LPO: variants seen among roughly 807,000 people sequenced by gnomAD.
LPO encodes the protein salivary peroxidase.
Under a neutral mutation model 68.4 loss-of-function variants are expected in LPO, and 70 were observed. The observed-to-expected ratio is 1.02, with a 90% CI of 0.84 to 1.25. The LOEUF (loss-of-function observed/expected upper bound fraction) is 1.25. Among genes scored for constraint, LPO ranks in the 50% most tolerant of loss-of-function variants. The pLI, the probability that LPO is intolerant of heterozygous loss-of-function variation, is 0.00. For synonymous variants in LPO, 360 were observed against 357.6 expected, an observed-to-expected ratio of 1.01 and a Z score of -0.08; for missense variants, 873 against 908.4, an observed-to-expected ratio of 0.96 and a Z score of 0.50.
In LPO at chr17:58,244,088, GAGAC is replaced by G. The variant is rs749249179; in HGVS notation, c.164+9_164+12del. The G allele has an allele frequency of 4.1e-4, 598 of 1,453,810 alleles. 7 individuals carry two copies. In the African/African-American group the frequency reaches 5.2e-3, roughly 13 times the overall value. The allele number at this position is 1,453,810 out of a possible 1,614,324, so 90.1% of individuals were successfully genotyped here. A position where few individuals can be genotyped will look rare whatever the true frequency, so the allele number is the denominator to read the frequency against. On this transcript the variant is annotated splice_region_variant and intron_variant, in intron 3 of 12. Transcript: ENST00000262290. ...TCCTGGACTCCCGAACCAGGTACGT[GAGAC>G]ACACACACACACACACACACACACA...
chr17:58,241,219 T>C (rs1394515554), intron 1 of LPO, among the ~76,000 whole-genome samples: 3 of 144,872 alleles, frequency 2.1e-5, no homozygotes, highest in Non-Finnish European at 4.5e-5. Flanking sequence ...CAAGGGATTC[T>C]CCTGCCTCAG....
chr17:58,250,712 A>G, intron 7 of LPO, 91 bp downstream of exon 7: 1 of 1,316,684 alleles, frequency 7.6e-7, no homozygotes, highest in Middle Eastern at 2.5e-4. Context: ...ATCTCTGGAT[A>G]GATCTGGGAT....
rs1250893722 is a variant in LPO at position 58,247,631 on chromosome 17, T to C, written c.318T>C (p.Asn106=). Residue 106 remains asparagine (N), a synonymous_variant, in exon 4 of 13, where the codon AAT becomes AAC. Transcript: ENST00000262290. ...KRLRQKASLT[N]VTDPSLDLTS... ...TGAGGCAGAAGGCATCCTTGACCAATGTCACAGGTACAGAAAACCCACCAG... is the reference window on the plus strand; with the variant it reads ...TGAGGCAGAAGGCATCCTTGACCAACGTCACAGGTACAGAAAACCCACCAG... The C allele has an allele frequency of 6.8e-6, 11 of 1,613,568 alleles. No homozygotes were observed. The highest frequency in any genetic ancestry group is 8.5e-6 in the Non-Finnish European group (10 of 1,179,688).
intron 3 of LPO, among the ~76,000 whole-genome samples, chr17:58,247,127 A>G (rs758159896): frequency 2.6e-5 from 4 of 151,894 alleles, no homozygotes; most frequent in Non-Finnish European, 2.9e-5. Flanking sequence ...ACCCAGATCC[A>G]CCCCTGTGTC....
At chr17:58,242,747 G>A (rs764600411) in intron 1 of LPO, 27 of 477,798 alleles carry the variant, frequency 5.7e-5, no homozygotes, top group Non-Finnish European at 1.0e-4. Context: ...CTTAGATCCT[G>A]AAGCCTGAGT....
At chr17:58,242,346 A>G (rs1969773710) in intron 1 of LPO, among the ~76,000 whole-genome samples, 1 of 152,226 alleles carries the variant, frequency 6.6e-6, no homozygotes, top group Non-Finnish European at 1.5e-5. Flanking sequence ...GAGCTTTGTC[A>G]TAACTTTCTT....
intron 3 of LPO, chr17:58,244,356 T>C: frequency 2.2e-6 from 1 of 462,592 alleles, no homozygotes; most frequent in Non-Finnish European, 3.9e-6. Context: ...TGGCCCAATG[T>C]TTCCTTGGGC....
At position 58,267,489 on chromosome 17, in the gene LPO, G is replaced by A. The variant is rs1312590976; in HGVS notation, c.1834G>A (p.Gly612Arg). Reference protein sequence around the residue: ...GTPDNIDIWIGAIAEPLVERG... With the variant: ...GTPDNIDIWIRAIAEPLVERG... ...CCCTGACAACATCGACATCTGGATA[G>A]GGGCCATTGCTGAGCCGCTGGTGGA... Residue 612 changes from glycine (G) to arginine (R), a missense_variant, in exon 12 of 13, where the codon GGG (glycine) becomes AGG (arginine). Gly to Arg is a moderately radical substitution (Grantham distance 125). Transcript: ENST00000262290. 6.2e-7 allele frequency: 1 copy of A among 1,614,126 alleles called. No individual in the cohort carries two copies. The highest frequency in any genetic ancestry group is 1.3e-5 in the African/African-American group (1 of 74,948).
chr17:58,241,179 T>G (rs574472493), intron 1 of LPO, among the ~76,000 whole-genome samples: 8 of 148,524 alleles, frequency 5.4e-5, no homozygotes, highest in African/African-American at 2.0e-4. Context: ...GGCGCAATCT[T>G]GGCTCACTGC....
intron 3 of LPO, among the ~76,000 whole-genome samples, chr17:58,245,403 CAGAG>C (rs910782007): frequency 6.6e-6 from 1 of 152,062 alleles, no homozygotes; most frequent in Non-Finnish European, 1.5e-5. Flanking sequence ...TTCCTGGTTT[CAGAG>C]AGAGATTCTG....
Position 58,242,870 on chromosome 17 carries a change from A to G in LPO, c.-2-108A>G, listed in dbSNP as rs573792950. ...AATGTGGTTTCTCCTTTCCTGTTCC[A>G]ATATTAGGGTGTCTGGTGCTCCTTT... is the stretch of plus-strand genomic sequence containing the variant. On this transcript the variant is annotated intron_variant, in intron 1 of 12. Coordinates refer to ENST00000262290, the MANE Select transcript of LPO (RefSeq NM_006151.3). The G allele has an allele frequency of 4.7e-6, 4 of 845,086 alleles. No individual in the cohort carries two copies. In the African/African-American group the frequency reaches 6.7e-5, roughly 14 times the overall value. 52.3% of individuals were successfully genotyped at this position (845,086 alleles called of 1,614,324 possible).
rs773394857 is a variant in LPO, at chr17:58,252,327, T to C, written c.926T>C (p.Val309Ala). Reference protein sequence around the residue: ...ALTSFLDASFVYSSEPSLASR... With the variant: ...ALTSFLDASFAYSSEPSLASR... Reference sequence around the variant, plus strand: ...ACCTCCTTCCTGGATGCCAGCTTTGTGTACAGCTCCGAGCCAAGCCTGGCC... The same window carrying C: ...ACCTCCTTCCTGGATGCCAGCTTTGCGTACAGCTCCGAGCCAAGCCTGGCC... Residue 309 changes from valine (V) to alanine (A), a missense_variant, in exon 8 of 13, where the codon GTG becomes GCG. Transcript: ENST00000262290. The C allele has an allele frequency of 1.2e-6, 2 of 1,614,094 alleles. No individual in the cohort carries two copies. The highest frequency in any genetic ancestry group is 1.7e-6 in the Non-Finnish European group (2 of 1,180,048).
intron 7 of LPO, chr17:58,251,698 T>G (rs1427672619): frequency 2.7e-6 from 1 of 363,648 alleles, no homozygotes; most frequent in African/African-American, 2.1e-5. Context: ...TTAGGCAACT[T>G]ACTTAACTTT....
chr17:58,252,319 C>T lies in LPO; in HGVS notation c.918C>T (p.Ala306=), dbSNP rs769967501. ...ACGCTCTGACCTCCTTCCTGGATGC[C>T]AGCTTTGTGTACAGCTCCGAGCCAA... ...QINALTSFLD[A]SFVYSSEPSL... is the part of the protein sequence containing the mutation. Residue 306 remains alanine (A), a synonymous_variant, in exon 8 of 13, where the codon GCC becomes GCT. Transcript: ENST00000262290. The T allele has an allele frequency of 1.9e-6, 3 of 1,614,070 alleles. No individual in the cohort carries two copies. Among genetic ancestry groups the T allele is most frequent in the Non-Finnish European group, 2.5e-6 (3 of 1,180,056 alleles).
At chr17:58,252,050 G>T in intron 7 of LPO, 132 bp from the exon 8 acceptor site, 1 of 795,582 alleles carries the variant, frequency 1.3e-6, no homozygotes, top group Non-Finnish European at 2.2e-6. Flanking sequence ...AAGTGTCTGG[G>T]GTCAGTGTCT....
intron 3 of LPO, among the ~76,000 whole-genome samples, chr17:58,247,018 G>A (rs1489045172): frequency 6.6e-6 from 1 of 152,178 alleles, no homozygotes; most frequent in African/African-American, 2.4e-5. Flanking sequence ...CTATCCCAAA[G>A]TCCATACAGA....
intron 9 of LPO, among the ~76,000 whole-genome samples, chr17:58,259,972 T>C (rs1306970508): frequency 1.3e-5 from 2 of 152,134 alleles, no homozygotes; most frequent in Admixed American, 6.5e-5. Context: ...CCCGCCACCA[T>C]GCCCGGCTAA....
chr17:58,250,891 T>C (rs1040969468), intron 7 of LPO: 3 of 471,706 alleles, frequency 6.4e-6, no homozygotes, highest in African/African-American at 3.9e-5. Flanking sequence ...GTGTGGGAAT[T>C]GGACAAGTAA....
chr17:58,249,429 A>C, intron 5 of LPO, 137 bp from the exon 6 acceptor site: 1 of 1,343,756 alleles, frequency 7.4e-7, no homozygotes. Context: ...GGCGCAGTTC[A>C]GAGACCCCAA....
Sources: gnomAD v4.1 joint callset for allele counts (sites outside exome capture counted in the v4.1 genomes callset) on GRCh38, gnomAD v4.1.1 for gene constraint, MANE v1.5 for transcripts, NCBI Gene and HGNC (gene_info 2026-07-23, HGNC 2026-07-21) for gene names.